The following TECTA variants were observed in gnomAD, a reference collection of about 807,000 sequenced individuals.
TECTA encodes the protein alpha-tectorin.
A neutral mutation model predicts 216.8 loss-of-function variants in TECTA; 128 were observed. That is an observed-to-expected ratio of 0.59 (90% CI 0.51 to 0.68). The LOEUF is 0.68. TECTA is among the 30% of genes least tolerant of loss of function. The pLI is 0.00. For missense variants in TECTA, 2,551 were observed against 2,786.2 expected (o/e 0.92, Z 1.90); for synonymous variants, 1,089 against 1,117.1 (o/e 0.97, Z 0.50).
In TECTA at chr11:121,166,635, C is replaced by A. The variant is rs1209965185; in HGVS notation, c.5441C>A (p.Ser1814Tyr). The change falls in exon 18 of 24, where the codon TCC (serine) becomes TAC (tyrosine). Residue 1814 changes from serine (S) to tyrosine (Y), a missense_variant. Ser to Tyr is a moderately radical substitution (Grantham distance 144, BLOSUM62 -2). Coordinates refer to ENST00000392793, the MANE Select transcript of TECTA (RefSeq NM_005422.4). ...VTCKAAQMEV[S>Y]ISKCKLFQLG... ...TGCAAAGCAGCCCAAATGGAAGTGTCCATATCTAAGTGCAAGCTCTTCCAG... is the reference window on the plus strand; with the variant it reads ...TGCAAAGCAGCCCAAATGGAAGTGTACATATCTAAGTGCAAGCTCTTCCAG... 2 of 1,614,176 alleles carry A rather than the reference C, an allele frequency of 1.2e-6. No individual in the cohort carries two copies. Among genetic ancestry groups the A allele is most frequent in the Non-Finnish European group, 1.7e-6 (2 of 1,180,042 alleles).
rs375946958 is a variant in TECTA, at chr11:121,113,724, G to A, written c.790+6G>A. On this transcript the variant is annotated splice_donor_region_variant and intron_variant, in intron 6 of 23. Transcript: ENST00000392793. The surrounding 1 kb of genome is among the most constrained non-coding windows in gnomAD (Gnocchi z 4.2). ...CAATGGCTGCACCTCAAGGGGTAAA[G>A]CTTTTCCTCTGTCTGTGGCAAGGCA... The A allele has an allele frequency of 4.4e-5, 71 of 1,613,064 alleles. No individual in the cohort carries two copies. The highest frequency in any genetic ancestry group is 5.8e-5 in the Non-Finnish European group (68 of 1,179,968).
At chr11:121,134,630 C>T (rs940818712) in intron 10 of TECTA, among the ~76,000 whole-genome samples, 8 of 152,046 alleles carry the variant, frequency 5.3e-5, no homozygotes, top group South Asian at 2.1e-4. Context: ...CCAGCTTATC[C>T]AACACGATCT....
At chr11:121,161,038 T>C (rs542602511) in intron 15 of TECTA, among the ~76,000 whole-genome samples, 1 of 152,356 alleles carries the variant, frequency 6.6e-6, no homozygotes, top group East Asian at 1.9e-4. Flanking sequence ...TCTGTAGACA[T>C]GCTTCTCTTT....
At chr11:121,158,505 T>C (rs1946967194) in intron 14 of TECTA, among the ~76,000 whole-genome samples, 1 of 152,192 alleles carries the variant, frequency 6.6e-6, no homozygotes, top group Admixed American at 6.5e-5. Context: ...AGGTGATAAA[T>C]TGTTAGATAA....
chr11:121,182,427 A>G (rs1162085800), intron 20 of TECTA, among the ~76,000 whole-genome samples: 3 of 152,030 alleles, frequency 2.0e-5, no homozygotes, highest in Non-Finnish European at 4.4e-5. Flanking sequence ...AGTTTCCCAA[A>G]AGGCAAATTT....
rs1331994247 is a variant in TECTA, at chr11:121,145,667, A to G, written c.3656A>G (p.Tyr1219Cys). Residue 1219 changes from tyrosine to cysteine, a missense_variant, in exon 12 of 24, where the codon TAT becomes TGT. By Grantham distance (194) the Tyr-to-Cys change is radical (BLOSUM62 -2). This residue lies in a region of TECTA where 2,375 missense variants were observed against 2,563.9 expected (regional missense o/e 0.93). Coordinates refer to ENST00000392793, the MANE Select transcript of TECTA (RefSeq NM_005422.4). Reference sequence around the variant, plus strand: ...ACTGATTTTGGCCTGAAGGTTGTATATGACTGGAAGACCTTCCTGTCCATC... The same window carrying G: ...ACTGATTTTGGCCTGAAGGTTGTATGTGACTGGAAGACCTTCCTGTCCATC... ...VETDFGLKVVYDWKTFLSITV... is the reference protein window; with the variant it reads ...VETDFGLKVVCDWKTFLSITV... The G allele has an allele frequency of 1.2e-6, 2 of 1,614,108 alleles. No homozygotes were observed. The highest frequency in any genetic ancestry group is 8.5e-7 in the Non-Finnish European group (1 of 1,180,038).
chr11:121,177,946 A>G (rs1947185639), intron 20 of TECTA, among the ~76,000 whole-genome samples: 1 of 152,138 alleles, frequency 6.6e-6, no homozygotes, highest in African/African-American at 2.4e-5. Flanking sequence ...TGTGCTACCA[A>G]TCAGCGAGAC....
At chr11:121,155,998 G>C (rs908166729) in intron 13 of TECTA, among the ~76,000 whole-genome samples, 1 of 152,140 alleles carries the variant, frequency 6.6e-6, no homozygotes, top group Non-Finnish European at 1.5e-5. Context: ...CTATGTTGTA[G>C]GTATTTTATA....
intron 20 of TECTA, among the ~76,000 whole-genome samples, chr11:121,173,114 A>G (rs753893755): frequency 2.6e-5 from 4 of 152,154 alleles, no homozygotes; most frequent in Non-Finnish European, 5.9e-5. Flanking sequence ...AGTAGGTTCC[A>G]AAAATTTTCT....
chr11:121,167,431 AAAAAC>A (rs900450689), intron 18 of TECTA, among the ~76,000 whole-genome samples: 22 of 152,320 alleles, frequency 1.4e-4, no homozygotes, highest in African/African-American at 4.3e-4. Context: ...CCCTGTTGCT[AAAAAC>A]AAAACAAAAC....
chr11:121,142,554 A>G (rs1186459933), intron 11 of TECTA, among the ~76,000 whole-genome samples: 1 of 152,194 alleles, frequency 6.6e-6, no homozygotes, highest in Non-Finnish European at 1.5e-5. Context: ...TCCTCAAGGC[A>G]TTGCCTCCTG....
Position 121,116,710 on chromosome 11 carries a change from T to G in TECTA, c.791-1596T>G, listed in dbSNP as rs140036311. On this transcript the variant is annotated intron_variant, in intron 6 of 23. Transcript: ENST00000392793. ...TAGAGCTGGTTTATTATATCATCAT[T>G]CCACAAACAAAATTATCTCAAAGAG... Among the ~76,000 whole-genome samples, 463 of 152,328 alleles carry G rather than the reference T, an allele frequency of 3.0e-3. 3 individuals carry two copies. The highest frequency in any genetic ancestry group is 0.017 in the Middle Eastern group (5 of 294).
Position 121,130,063 on chromosome 11 carries a change from C to T in TECTA, c.2793C>T (p.Asn931=), listed in dbSNP as rs750710717. The part of the protein sequence containing the change: ...SSFLECHGVV[N]VTAYYRTCLF... ...TCCTGGAGTGCCATGGGGTGGTGAA[C>T]GTCACTGCCTATTACCGCACCTGCC... The change falls in exon 10 of 24, where the codon AAC becomes AAT. Residue 931 remains asparagine (N), a synonymous_variant. Transcript: ENST00000392793. 1.4e-5 allele frequency: 23 copies of T among 1,613,992 alleles called. No individual in the cohort carries two copies. In the Admixed American group the frequency reaches 2.0e-4, roughly 14 times the overall value.
chr11:121,158,032 C>T lies in TECTA; in HGVS notation c.4497C>T (p.Asp1499=). 4 of 1,613,088 alleles carry T rather than the reference C, an allele frequency of 2.5e-6. No homozygotes were observed. Among genetic ancestry groups the T allele is most frequent in the Non-Finnish European group, 3.4e-6 (4 of 1,179,932 alleles). ...GCGGCGGCGTCTTCCGCACCTTCGA[C>T]GGCGCCTTCCTGCGCTTCCCAGCCA... ...AAGGGVFRTF[D]GAFLRFPANC... The change falls in exon 14 of 24, where the codon GAC becomes GAT. Residue 1499 remains aspartate (D), a synonymous_variant. Coordinates refer to ENST00000392793, the MANE Select transcript of TECTA (RefSeq NM_005422.4).
At position 121,190,882 on chromosome 11, in the gene TECTA, T is replaced by C; in HGVS notation, c.*76T>C. On this transcript the variant is annotated 3_prime_UTR_variant, in exon 24 of 24. Transcript: ENST00000392793. ...CTGTAGGATAAAAAGTGTGTGCCCT[T>C]AAGTCAAAACCTATTTGAAAGTGTC... The C allele has an allele frequency of 8.7e-7, 1 of 1,146,854 alleles. No homozygotes were observed. Among genetic ancestry groups the C allele is most frequent in the Non-Finnish European group, 1.3e-6 (1 of 785,274 alleles). 71.0% of individuals were successfully genotyped at this position (1,146,854 alleles called of 1,614,324 possible).
At chr11:121,122,503 G>A (rs1465294252) in intron 7 of TECTA, among the ~76,000 whole-genome samples, 1 of 152,002 alleles carries the variant, frequency 6.6e-6, no homozygotes, top group Non-Finnish European at 1.5e-5. Flanking sequence ...ACAGAAGATT[G>A]GTACCAGGAG....
At chr11:121,164,960 A>G (rs1316753500) in intron 16 of TECTA, among the ~76,000 whole-genome samples, 2 of 152,228 alleles carry the variant, frequency 1.3e-5, no homozygotes, top group Non-Finnish European at 2.9e-5. Flanking sequence ...GGTTAAGAGC[A>G]TCTGTGCATT....
At chr11:121,185,105 T>A (rs1947268766) in intron 20 of TECTA, among the ~76,000 whole-genome samples, 1 of 152,214 alleles carries the variant, frequency 6.6e-6, no homozygotes, top group African/African-American at 2.4e-5. Flanking sequence ...CCGGAGAGCA[T>A]GTTCATAAAT....
At chr11:121,165,474 C>G in intron 17 of TECTA, 91 bp downstream of exon 17, 1 of 1,078,386 alleles carries the variant, frequency 9.3e-7, no homozygotes, top group Non-Finnish European at 1.4e-6. Context: ...CTTTGTGAAG[C>G]TTTCCCAAAT....
Sources: gnomAD v4.1 joint callset for allele counts (sites outside exome capture counted in the v4.1 genomes callset) on GRCh38, gnomAD v4.1.1 for gene constraint, gnomAD v4.1.1 regional missense constraint, Gnocchi (gnomAD v3.1) non-coding constraint, MANE v1.5 for transcripts, NCBI Gene and HGNC (gene_info 2026-07-23, HGNC 2026-07-21) for gene names.